The following GSN variants were observed in gnomAD, a reference collection of about 807,000 sequenced individuals.
GSN encodes the protein gelsolin.
In GSN, 56 loss-of-function variants were observed where a neutral mutation model predicts 85.7. The ratio of observed to expected loss-of-function variants is 0.65; its 90% CI spans 0.53 to 0.82. GSN has a LOEUF of 0.82. GSN is among the 40% of genes least tolerant of loss of function. The pLI is 0.00. For synonymous variants in GSN, 373 were observed against 399.1 expected (o/e 0.93, Z 0.78); for missense variants, 857 against 979.8 (o/e 0.87, Z 1.67).
At chr9:121,256,256 T>A (rs2054956635) in intron 6 of GSN, among the ~76,000 whole-genome samples, 1 of 152,174 alleles carries the variant, frequency 6.6e-6, no homozygotes, top group African/African-American at 2.4e-5. Flanking sequence ...AAACATTGTA[T>A]GCCTGAGGAT....
chr9:121,266,349 A>G (rs560124835), upstream of GSN, among the ~76,000 whole-genome samples: 16 of 152,324 alleles, frequency 1.1e-4, no homozygotes, highest in South Asian at 3.3e-3. Context: ...ATGATATGTT[A>G]GATAATTCCA....
At chr9:121,314,126 C>G in intron 7 of GSN, 103 bp downstream of exon 7, 1 of 918,108 alleles carries the variant, frequency 1.1e-6, no homozygotes, top group South Asian at 1.3e-5. Context: ...AGCAAAGCAC[C>G]CCTTTGGAGG....
intron 2 of GSN, among the ~76,000 whole-genome samples, chr9:121,292,578 C>T (rs2132934651): frequency 6.6e-6 from 1 of 152,258 alleles, no homozygotes; most frequent in East Asian, 1.9e-4. Flanking sequence ...TACCAGACAC[C>T]CCACCAGGTT....
chr9:121,247,948 G>C (rs1187041609), intron 5 of GSN, among the ~76,000 whole-genome samples: 2 of 151,406 alleles, frequency 1.3e-5, no homozygotes, highest in Admixed American at 1.3e-4. Flanking sequence ...ATGAAGAGGG[G>C]CAGTCTTCAG....
rs151139187 is a variant in GSN at position 121,286,484 on chromosome 9, C to T, written c.-10+4922C>T. 2.1e-4 allele frequency: 195 copies of T among 913,500 alleles called. No individual in the cohort carries two copies. In the African/African-American group the frequency reaches 2.9e-3, roughly 13 times the overall value. The allele number at this position is 913,500 out of a possible 1,614,324, so 56.6% of individuals were successfully genotyped here. A position where few individuals can be genotyped will look rare whatever the true frequency, so the allele number is the denominator to read the frequency against. ...TGCAGGCCACACCCCCAAGCCTTTG[C>T]GTCTGTTGTTCCCACCTTCCCAAAA... On this transcript the variant is annotated intron_variant, in intron 2 of 17. Transcript: ENST00000432226.
rs1408252055 is a variant in GSN, at chr9:121,299,990, G to T, written c.-9-1973G>T. ...CCCAGGCGGGGGCGCCCCAGGGGCG[G>T]GTGCCCGAGGCGCGGGTGAGTGCCC... On this transcript the variant is annotated intron_variant, in intron 2 of 17. Coordinates refer to ENST00000432226, the MANE Select transcript of GSN (RefSeq NM_198252.3). This position sits in a 1 kb window ranked among gnomAD's most constrained non-coding sequence, Gnocchi z 4.2. 1 of 1,423,574 alleles carries T rather than the reference G, an allele frequency of 7.0e-7. No homozygotes were observed. The highest frequency in any genetic ancestry group is 9.3e-7 in the Non-Finnish European group (1 of 1,079,592). The allele number at this position is 1,423,574 out of a possible 1,614,324, so 88.2% of individuals were successfully genotyped here. A position where few individuals can be genotyped will look rare whatever the true frequency, so the allele number is the denominator to read the frequency against.
intron 2 of GSN, chr9:121,286,781 G>T (rs2058137022): frequency 6.5e-7 from 1 of 1,529,752 alleles, no homozygotes; most frequent in African/African-American, 1.4e-5. Flanking sequence ...TTTTAAAGGT[G>T]TGTAGAAGTG....
chr9:121,330,639 T>C (rs1157596977), intron 16 of GSN, among the ~76,000 whole-genome samples: 1 of 152,214 alleles, frequency 6.6e-6, no homozygotes, highest in Non-Finnish European at 1.5e-5. Flanking sequence ...CAATGATAGG[T>C]GCTCTTTGAA....
Position 121,277,025 on chromosome 9 carries a change from T to C in GSN, c.-102-4445T>C, listed in dbSNP as rs145387544. ...TGTGGTCTTGGGTAAGTCATTTCTCTCTCTAACCTATTCCCTGCCCCCACC... is the reference window on the plus strand; with the variant it reads ...TGTGGTCTTGGGTAAGTCATTTCTCCCTCTAACCTATTCCCTGCCCCCACC... On this transcript the variant is annotated intron_variant, in intron 1 of 17. Coordinates refer to ENST00000432226, the MANE Select transcript of GSN (RefSeq NM_198252.3). 3.5e-3 allele frequency among the ~76,000 whole-genome samples: 531 copies of C among 152,266 alleles called. 5 individuals are homozygous for C. Among genetic ancestry groups the C allele is most frequent in the African/African-American group, 0.012 (494 of 41,540 alleles).
At chr9:121,263,724 C>G (rs1410010548), upstream of GSN, among the ~76,000 whole-genome samples, 4 of 151,922 alleles carry the variant, frequency 2.6e-5, no homozygotes, top group Non-Finnish European at 4.4e-5. Flanking sequence ...AACCCCGTCT[C>G]TACTAAAAAT....
rs71680051 is a variant in GSN at position 121,332,725 on chromosome 9, C to CTT, written c.*135_*136dup. ...GTGTGTGTGTGTGTGTGTGTTGTTT[C>CTT]TTTTTTTTTTTTTTACAGTATCCAA... On this transcript the variant is annotated 3_prime_UTR_variant, in exon 18 of 18. Coordinates refer to ENST00000432226, the MANE Select transcript of GSN (RefSeq NM_198252.3). The surrounding 1 kb of genome is among the most constrained non-coding windows in gnomAD (Gnocchi z 4.8). 98 of 602,604 alleles carry CTT rather than the reference C, an allele frequency of 1.6e-4. No individual in the cohort carries two copies. The highest frequency in any genetic ancestry group is 2.4e-4 in the South Asian group (11 of 45,094). The allele number at this position is 602,604 out of a possible 1,614,324, so 37.3% of individuals were successfully genotyped here. A position where few individuals can be genotyped will look rare whatever the true frequency, so the allele number is the denominator to read the frequency against.
At position 121,302,057 on chromosome 9, in the gene GSN, C is replaced by T. The variant is rs149556868; in HGVS notation, c.86C>T (p.Pro29Leu). Residue 29 changes from proline to leucine, a missense_variant, in exon 3 of 18, where the codon CCC (proline) becomes CTC (leucine). By Grantham distance (98) the Pro-to-Leu change is moderately conservative. Coordinates refer to ENST00000432226, the MANE Select transcript of GSN (RefSeq NM_198252.3). ...CGTGTGGAGAAGTTCGATCTGGTGC[C>T]CGTGCCCACCAACCTTTATGGAGAC... ...IWRVEKFDLV[P>L]VPTNLYGDFF... The T allele has an allele frequency of 1.2e-6, 2 of 1,614,096 alleles. No individual in the cohort carries two copies. Among genetic ancestry groups the T allele is most frequent in the East Asian group, 2.2e-5 (1 of 44,898 alleles).
At chr9:121,277,685 G>A (rs2056842789) in intron 1 of GSN, among the ~76,000 whole-genome samples, 1 of 144,320 alleles carries the variant, frequency 6.9e-6, no homozygotes, top group African/African-American at 2.5e-5. Context: ...ATGTAGCAAA[G>A]TAGGTTCTTC....
At chr9:121,268,637 C>T (rs1435145076) in intron 1 of GSN, among the ~76,000 whole-genome samples, 1 of 152,180 alleles carries the variant, frequency 6.6e-6, no homozygotes, top group Non-Finnish European at 1.5e-5. Flanking sequence ...TCAGAGGACC[C>T]TTGCCTCCTG....
intron 17 of GSN, chr9:121,331,885 C>T (rs766480781): frequency 1.0e-4 from 20 of 192,658 alleles, no homozygotes; most frequent in Non-Finnish European, 1.6e-4. Flanking sequence ...GAAACCTCAT[C>T]TCTAGAAAAA....
intron 4 of GSN, among the ~76,000 whole-genome samples, chr9:121,224,508 C>CA (rs920224359): frequency 1.3e-5 from 2 of 152,004 alleles, no homozygotes; most frequent in African/African-American, 4.8e-5. Context: ...GCTATAAACT[C>CA]AAAGTAAGGT....
At chr9:121,283,905 A>G (rs2057737455) in intron 2 of GSN, 1 of 167,224 alleles carries the variant, frequency 6.0e-6, no homozygotes. Flanking sequence ...ATCTGGACAG[A>G]TCAGGGAAGC....
rs886916670 is a variant in GSN, at chr9:121,268,574, A to C, written c.-103+355A>C. On this transcript the variant is annotated intron_variant, in intron 1 of 17. Coordinates refer to ENST00000432226, the MANE Select transcript of GSN (RefSeq NM_198252.3). The stretch of plus-strand genomic sequence containing the variant: ...TGCACTTGGGTTGTCTGACCCGGGC[A>C]TGCAGGGGACCACCAGCTACGGTCT... Among the ~76,000 whole-genome samples, 4 of 152,296 alleles carry C rather than the reference A, an allele frequency of 2.6e-5. No individual in the cohort carries two copies. In the East Asian group the frequency reaches 7.7e-4, roughly 29 times the overall value.
At chr9:121,202,721 A>G in the GSN span, among the ~76,000 whole-genome samples, 2 of 152,396 alleles carry the variant, frequency 1.3e-5, no homozygotes, top group East Asian at 3.9e-4. Flanking sequence ...AAATATATGT[A>G]TAAATATTTA....
Sources: allele counts gnomAD v4.1 joint callset (sites outside exome capture counted in the v4.1 genomes callset), GRCh38; gene constraint gnomAD v4.1.1; non-coding constraint Gnocchi (gnomAD v3.1); transcripts MANE v1.5; gene names NCBI Gene and HGNC (gene_info 2026-07-23, HGNC 2026-07-21).